CEP43: variants seen among roughly 807,000 people sequenced by gnomAD.
CEP43 encodes FGFR1 oncogene partner.
A neutral mutation model predicts 52.6 loss-of-function variants in CEP43; 36 were observed. That is an observed-to-expected ratio of 0.68 (90% CI 0.52 to 0.90). The LOEUF is 0.90. Among genes scored for constraint, CEP43 ranks in the 40% least tolerant of loss-of-function variants. CEP43 has a pLI of 0.00. For synonymous variants in CEP43, 192 were observed against 172.4 expected, an observed-to-expected ratio of 1.11 and a Z score of -0.89; for missense variants, 506 against 472.8, an observed-to-expected ratio of 1.07 and a Z score of -0.65.
chr6:167,044,734 C>A lies in CEP43; in HGVS notation c.*4756C>A. Reference sequence around the variant, plus strand: ...TGCGTTGTGGCCCTGCCTGCAGAAACGTGTGCTCTGCTACAGCCCTGGGAG... The same window carrying A: ...TGCGTTGTGGCCCTGCCTGCAGAAAAGTGTGCTCTGCTACAGCCCTGGGAG... On this transcript the variant is annotated 3_prime_UTR_variant, in exon 13 of 13. Coordinates refer to ENST00000366847, the MANE Select transcript of CEP43 (RefSeq NM_007045.4). The A allele has an allele frequency of 5.4e-6, 1 of 184,874 alleles. No individual in the cohort carries two copies. The allele number at this position is 184,874 out of a possible 1,614,324, so 11.5% of individuals were successfully genotyped here.
Position 167,022,425 on chromosome 6 carries a change from C to G in CEP43, c.596C>G (p.Ala199Gly). The stretch of plus-strand genomic sequence containing the variant: ...TCTTTCTAGAAGGCCAATGATGAGG[C>G]CAATCAGAGTGATACAAGTGTCTCC... ...KAGDKKANDEANQSDTSVSLS... is the reference protein window; with the variant it reads ...KAGDKKANDEGNQSDTSVSLS... Residue 199 changes from alanine to glycine, a missense_variant, in exon 8 of 13, where the codon GCC becomes GGC. Physicochemically the swap from Ala to Gly is moderately conservative, Grantham distance 60. Transcript: ENST00000366847. 6.2e-7 allele frequency: 1 copy of G among 1,613,508 alleles called. No homozygotes were observed. The highest frequency in any genetic ancestry group is 8.5e-7 in the Non-Finnish European group (1 of 1,179,574).
intron 2 of CEP43, among the ~76,000 whole-genome samples, chr6:167,001,603 A>T (rs6935539): frequency 6.6e-6 from 1 of 152,134 alleles, no homozygotes; most frequent in South Asian, 2.1e-4. Context: ...TCAGACCTGT[A>T]TGTTAAACTG....
intron 10 of CEP43, chr6:167,027,741 C>T: frequency 2.4e-6 from 1 of 409,722 alleles, no homozygotes; most frequent in Non-Finnish European, 3.3e-6. Context: ...TAACATCTGC[C>T]TTGTTTTAAA....
intron 2 of CEP43, among the ~76,000 whole-genome samples, chr6:167,002,617 C>T (rs969080279): frequency 1.3e-5 from 2 of 152,210 alleles, no homozygotes; most frequent in Non-Finnish European, 2.9e-5. Context: ...ACTGTAGCAG[C>T]AATTAATGTG....
In CEP43 at chr6:167,004,262, A is replaced by T; in HGVS notation, c.301-2A>T. On this transcript the variant is annotated splice_acceptor_variant, in intron 4 of 12. Transcript: ENST00000366847. LOFTEE classifies it high-confidence loss of function. ...GCACTTGTATTTTAACTTCTTTTCT[A>T]GCTGCAAGGTCTCGAAGGTCGAGAG... 1 of 1,591,602 alleles carries T rather than the reference A, an allele frequency of 6.3e-7. No individual in the cohort carries two copies. Among genetic ancestry groups the T allele is most frequent in the Non-Finnish European group, 8.5e-7 (1 of 1,172,346 alleles).
chr6:167,018,877 A>G (rs554180435), intron 7 of CEP43, among the ~76,000 whole-genome samples: 14 of 152,306 alleles, frequency 9.2e-5, no homozygotes, highest in Non-Finnish European at 1.3e-4. Context: ...CCGGGTATAC[A>G]TACGTATACA....
intron 12 of CEP43, chr6:167,036,044 GCA>G: frequency 2.0e-6 from 2 of 983,744 alleles, no homozygotes; most frequent in Non-Finnish European, 2.4e-6. Flanking sequence ...TCTGTCGTAG[GCA>G]CAGATATAGA....
chr6:167,047,497 C>T lies in CEP43; in HGVS notation c.*7519C>T, dbSNP rs1237287199. 6.6e-6 allele frequency: 1 copy of T among 152,144 alleles called. No individual in the cohort carries two copies. The highest frequency in any genetic ancestry group is 2.4e-5 in the African/African-American group (1 of 41,398). The allele number at this position is 152,144 out of a possible 1,614,324, so 9.4% of individuals were successfully genotyped here. On this transcript the variant is annotated 3_prime_UTR_variant, in exon 13 of 13. Coordinates refer to ENST00000366847, the MANE Select transcript of CEP43 (RefSeq NM_007045.4). The stretch of plus-strand genomic sequence containing the variant: ...CTGCCCTGGTCTTAAGTAATGCCCA[C>T]AGAGAGCTTAGCATTGTTCTTGGCA...
chr6:167,003,448 T>C (rs1779782819), intron 3 of CEP43: 1 of 508,930 alleles, frequency 2.0e-6, no homozygotes, highest in Non-Finnish European at 3.4e-6. Context: ...TAAAGCCAGT[T>C]TTACTACAAA....
chr6:167,024,749 G>A (rs1402573779), intron 8 of CEP43, 33 bp from the exon 9 acceptor site: 2 of 1,462,060 alleles, frequency 1.4e-6, no homozygotes, highest in Non-Finnish European at 1.9e-6. Flanking sequence ...CAGAACATAA[G>A]AGCACCGATT....
Position 167,013,505 on chromosome 6 carries a change from C to T in CEP43, c.520-3C>T. The T allele has an allele frequency of 6.2e-7, 1 of 1,610,512 alleles. No individual in the cohort carries two copies. Among genetic ancestry groups the T allele is most frequent in the Non-Finnish European group, 8.5e-7 (1 of 1,177,388 alleles). On this transcript the variant is annotated splice_polypyrimidine_tract_variant and splice_region_variant and intron_variant, in intron 6 of 12. Transcript: ENST00000366847. ...TAAAATCTCATTTTATTCTCATGCT[C>T]AGATACCAAGGTATAAAGGACAAGG...
chr6:167,014,370 C>T (rs997293775), intron 7 of CEP43, among the ~76,000 whole-genome samples: 1 of 152,178 alleles, frequency 6.6e-6, no homozygotes, highest in Non-Finnish European at 1.5e-5. Flanking sequence ...CTACCAAGGC[C>T]TTGGCTGCTT....
Position 167,001,461 on chromosome 6 carries a change from T to C in CEP43, c.156+1348T>C, listed in dbSNP as rs1779735327. Reference sequence around the variant, plus strand: ...GGTTTTGACCACTCCTTGGTTTCTTTAGCATGATCTTTTTCCTGTACACCT... The same window carrying C: ...GGTTTTGACCACTCCTTGGTTTCTTCAGCATGATCTTTTTCCTGTACACCT... On this transcript the variant is annotated intron_variant, in intron 2 of 12. Coordinates refer to ENST00000366847, the MANE Select transcript of CEP43 (RefSeq NM_007045.4). 2.0e-5 allele frequency among the ~76,000 whole-genome samples: 3 copies of C among 152,240 alleles called. No homozygotes were observed. The South Asian group carries it at 6.2e-4, about 31-fold the overall frequency.
intron 6 of CEP43, 48 bp downstream of exon 6, chr6:167,010,941 A>ACAT: frequency 4.5e-6 from 5 of 1,109,868 alleles, no homozygotes; most frequent in Non-Finnish European, 6.6e-6. Context: ...TTAACTCCAG[A>ACAT]GTGCTCTGCT....
chr6:167,021,810 G>C (rs1780237790), intron 7 of CEP43, among the ~76,000 whole-genome samples: 1 of 152,100 alleles, frequency 6.6e-6, no homozygotes, highest in Admixed American at 6.6e-5. Context: ...TAATTACTTT[G>C]ATTAGCAAAG....
At chr6:167,026,703 C>A in intron 10 of CEP43, 88 bp downstream of exon 10, 1 of 758,900 alleles carries the variant, frequency 1.3e-6, no homozygotes, top group Non-Finnish European at 2.3e-6. Flanking sequence ...CGTCTGCCTA[C>A]GCTGAGCACC....
At chr6:167,009,607 G>GT (rs754106462) in intron 5 of CEP43, among the ~76,000 whole-genome samples, 87 of 146,346 alleles carry the variant, frequency 5.9e-4, no homozygotes, top group Non-Finnish European at 1.0e-3. Flanking sequence ...GGAGGTTGCA[G>GT]TAAGCCAAGA....
chr6:167,019,160 G>A (rs567383934), intron 7 of CEP43, among the ~76,000 whole-genome samples: 1 of 152,286 alleles, frequency 6.6e-6, no homozygotes, highest in South Asian at 2.1e-4. Flanking sequence ...TGAAGTGCCC[G>A]TTTTCCACTT....
At chr6:167,001,359 A>G (rs1471748685) in intron 2 of CEP43, among the ~76,000 whole-genome samples, 1 of 152,148 alleles carries the variant, frequency 6.6e-6, no homozygotes, top group Non-Finnish European at 1.5e-5. Context: ...ATGTTTAAAT[A>G]ACTATTAGGA....
Sources: allele counts gnomAD v4.1 joint callset (sites outside exome capture counted in the v4.1 genomes callset), GRCh38; gene constraint gnomAD v4.1.1; transcripts MANE v1.5; gene names NCBI Gene and HGNC (gene_info 2026-07-23, HGNC 2026-07-21).